EFCAB5: variants seen among roughly 807,000 people sequenced by gnomAD.
EFCAB5 encodes the protein EF-hand calcium binding domain 5.
EFCAB5 carries 131 observed loss-of-function variants against 167.9 expected under a neutral mutation model. The observed-to-expected ratio is 0.78, with a 90% CI of 0.68 to 0.90. The LOEUF (loss-of-function observed/expected upper bound fraction) is 0.90. EFCAB5 is among the 40% of genes least tolerant of loss of function. The probability of loss-of-function intolerance (pLI) is 0.00; values close to 1 mark genes in which losing one functional copy is unlikely to be tolerated. For missense variants in EFCAB5, 1,663 were observed against 1,745.2 expected, an observed-to-expected ratio of 0.95 and a Z score of 0.84; for synonymous variants, 574 against 602.8, an observed-to-expected ratio of 0.95 and a Z score of 0.70.
chr17:29,984,059 C>T (rs769184074), intron 4 of EFCAB5, among the ~76,000 whole-genome samples: 34 of 151,844 alleles, frequency 2.2e-4, no homozygotes, highest in South Asian at 6.2e-4. Flanking sequence ...GGACCCTAAG[C>T]TTTATAATGG....
chr17:29,943,514 G>C, intron 2 of EFCAB5, 51 bp from the exon 3 acceptor site: 1 of 1,444,460 alleles, frequency 6.9e-7, no homozygotes, highest in Non-Finnish European at 9.4e-7. Flanking sequence ...ATACAACTTT[G>C]TTGAAAATCA....
chr17:30,053,573 T>C lies in EFCAB5; in HGVS notation c.1619T>C (p.Ile540Thr), dbSNP rs1417925534. ...KKPTAEQELY[I>T]ESVIEPGTHT... ...CCAACTGCAGAGCAAGAACTGTACA[T>C]AGAATCAGTAATAGAACCAGGAACA... The change falls in exon 10 of 23, where the codon ATA (isoleucine) becomes ACA (threonine). Residue 540 changes from isoleucine to threonine, a missense_variant. Transcript: ENST00000394835. 3 of 1,613,518 alleles carry C rather than the reference T, an allele frequency of 1.9e-6. No homozygotes were observed. Among genetic ancestry groups the C allele is most frequent in the African/African-American group, 2.7e-5 (2 of 74,780 alleles).
At chr17:29,989,752 T>C (rs1207892633) in intron 4 of EFCAB5, among the ~76,000 whole-genome samples, 1 of 152,192 alleles carries the variant, frequency 6.6e-6, no homozygotes, top group Non-Finnish European at 1.5e-5. Context: ...GTTCAGTAAC[T>C]AAGTCCTCCA....
At chr17:29,974,409 G>T (rs531964573) in intron 4 of EFCAB5, among the ~76,000 whole-genome samples, 1 of 151,932 alleles carries the variant, frequency 6.6e-6, no homozygotes, top group East Asian at 1.9e-4. Flanking sequence ...TGGCTTGGTG[G>T]CACATGCCTA....
chr17:30,092,199 G>A (rs755712034), intron 21 of EFCAB5, 42 bp downstream of exon 21: 63 of 1,554,914 alleles, frequency 4.1e-5, no homozygotes, highest in African/African-American at 9.6e-5. Flanking sequence ...TTGAAGAATC[G>A]CCTAAACAAA....
intron 19 of EFCAB5, among the ~76,000 whole-genome samples, chr17:30,089,663 C>T (rs1196775788): frequency 6.6e-6 from 1 of 152,102 alleles, no homozygotes; most frequent in Non-Finnish European, 1.5e-5. Flanking sequence ...TGGCTCACAC[C>T]GTAACTTTCT....
Position 29,942,248 on chromosome 17 carries a change from A to C in EFCAB5, c.51A>C (p.Arg17Ser). The C allele has an allele frequency of 6.3e-7, 1 of 1,586,922 alleles. No individual in the cohort carries two copies. The highest frequency in any genetic ancestry group is 1.2e-5 in the South Asian group (1 of 86,210). ...QEELRPAQEN[R>S]KEDKERKWNL... ...CACTGTTTGCATTTCAGGAAAACAGAAAAGAAGACAAAGAGAGGAAATGGA... is the reference window on the plus strand; with the variant it reads ...CACTGTTTGCATTTCAGGAAAACAGCAAAGAAGACAAAGAGAGGAAATGGA... The change falls in exon 2 of 23, where the codon AGA (arginine) becomes AGC (serine). Residue 17 changes from arginine to serine, a missense_variant. Transcript: ENST00000394835.
chr17:30,061,249 T>C (rs2070417316), intron 14 of EFCAB5, among the ~76,000 whole-genome samples: 1 of 152,156 alleles, frequency 6.6e-6, no homozygotes, highest in African/African-American at 2.4e-5. Context: ...AATAAACACA[T>C]ATTGGTAGCC....
intron 14 of EFCAB5, chr17:30,069,190 CAG>C: frequency 6.5e-7 from 1 of 1,548,364 alleles, no homozygotes; most frequent in Non-Finnish European, 8.9e-7. Flanking sequence ...GAAAGTTTCA[CAG>C]TGTCCTTCAA....
chr17:29,948,373 T>C lies in EFCAB5; in HGVS notation c.190+4724T>C, dbSNP rs148309457. Among the ~76,000 whole-genome samples the C allele has an allele frequency of 5.2e-3, 789 of 152,318 alleles. 7 individuals carry two copies. The highest frequency in any genetic ancestry group is 6.5e-3 in the Admixed American group (99 of 15,292). On this transcript the variant is annotated intron_variant, in intron 3 of 22. Transcript: ENST00000394835. ...TTTCAATGTATGGTAGAGAGAAATGTGTTTTGTTTAAATCGATTTATCCCA... is the reference window on the plus strand; with the variant it reads ...TTTCAATGTATGGTAGAGAGAAATGCGTTTTGTTTAAATCGATTTATCCCA...
intron 4 of EFCAB5, among the ~76,000 whole-genome samples, chr17:29,991,611 G>A (rs2068421821): frequency 6.6e-6 from 1 of 152,234 alleles, no homozygotes; most frequent in African/African-American, 2.4e-5. Flanking sequence ...GGGTGGGCCA[G>A]GTTTCCTTGC....
intron 4 of EFCAB5, among the ~76,000 whole-genome samples, chr17:29,970,669 T>TACACACACACAC (rs1220247152): frequency 1.7e-5 from 1 of 58,694 alleles, no homozygotes; most frequent in African/African-American, 4.1e-5. Context: ...CACACACACA[T>TACACACACACAC]ACACACACAC....
At chr17:30,026,498 A>T (rs1428654608) in intron 7 of EFCAB5, among the ~76,000 whole-genome samples, 1 of 152,196 alleles carries the variant, frequency 6.6e-6, no homozygotes, top group Non-Finnish European at 1.5e-5. Context: ...TTTACCAGCA[A>T]AAGAAAACCA....
chr17:29,968,757 A>G, intron 3 of EFCAB5, 34 bp from the exon 4 acceptor site: 1 of 1,420,842 alleles, frequency 7.0e-7, no homozygotes. Flanking sequence ...TTTACTTCTA[A>G]CATTTCTTAC....
intron 4 of EFCAB5, among the ~76,000 whole-genome samples, chr17:29,980,833 C>T (rs1211706790): frequency 6.6e-6 from 1 of 152,184 alleles, no homozygotes; most frequent in Non-Finnish European, 1.5e-5. Context: ...AATATCTGTA[C>T]TTGTATGTTT....
chr17:29,938,337 C>A (rs1320906274), upstream of EFCAB5, among the ~76,000 whole-genome samples: 1 of 152,174 alleles, frequency 6.6e-6, no homozygotes, highest in Non-Finnish European at 1.5e-5. Flanking sequence ...ATCGTATGAG[C>A]CTTTATCCAC....
intron 17 of EFCAB5, among the ~76,000 whole-genome samples, chr17:30,082,229 C>G (rs966508430): frequency 6.6e-6 from 1 of 152,162 alleles, no homozygotes; most frequent in Non-Finnish European, 1.5e-5. Flanking sequence ...TCCTACCCAC[C>G]TGCCTAAGAT....
At chr17:30,045,727 T>A (rs771198517) in intron 8 of EFCAB5, among the ~76,000 whole-genome samples, 4 of 151,900 alleles carry the variant, frequency 2.6e-5, no homozygotes, top group Non-Finnish European at 4.4e-5. Context: ...TACCTGGGTA[T>A]CGTGGTGCAT....
rs1047331326 is a variant in EFCAB5, at chr17:30,068,833, G to C, written c.2737+9132G>C. On this transcript the variant is annotated intron_variant, in intron 14 of 22. Coordinates refer to ENST00000394835, the MANE Select transcript of EFCAB5 (RefSeq NM_198529.4). ...TGGCAAACTGAGAGATTTTCTTCTG[G>C]AACACAGGAAAGATTATATTAATGC... The C allele has an allele frequency of 3.6e-6, 5 of 1,404,320 alleles. No individual in the cohort carries two copies. In the African/African-American group the frequency reaches 4.2e-5, roughly 12 times the overall value. The allele number at this position is 1,404,320 out of a possible 1,614,324, so 87.0% of individuals were successfully genotyped here.
Sources: gnomAD v4.1 joint callset for allele counts (sites outside exome capture counted in the v4.1 genomes callset) on GRCh38, gnomAD v4.1.1 for gene constraint, MANE v1.5 for transcripts, NCBI Gene and HGNC (gene_info 2026-07-23, HGNC 2026-07-21) for gene names.